The following HS3ST3A1 variants were observed in gnomAD, a reference collection of about 807,000 sequenced individuals.
The protein encoded by HS3ST3A1 is heparan sulfate glucosamine 3-O-sulfotransferase 3A1.
A neutral mutation model predicts 25.7 loss-of-function variants in HS3ST3A1; 19 were observed. The ratio of observed to expected loss-of-function variants is 0.74; its 90% CI spans 0.52 to 1.08. HS3ST3A1 has a LOEUF of 1.08. Ranked by LOEUF, HS3ST3A1 falls within the 50% of genes least tolerant of loss-of-function variation. The pLI is 0.00. For synonymous variants in HS3ST3A1, 226 were observed against 278.6 expected (o/e 0.81, Z 1.88); for missense variants, 459 against 594.3 (o/e 0.77, Z 2.37).
intron 1 of HS3ST3A1, among the ~76,000 whole-genome samples, chr17:13,542,897 C>T (rs1460205209): frequency 6.6e-6 from 1 of 151,994 alleles, no homozygotes; most frequent in Non-Finnish European, 1.5e-5. Flanking sequence ...TCACCAATGG[C>T]CAGTGGTTTA....
At position 13,496,316 on chromosome 17, in the gene HS3ST3A1, T is replaced by C. The variant is rs367984526; in HGVS notation, c.1102A>G (p.Lys368Glu). The part of the protein sequence containing the change: ...SSRPHCLGKT[K>E]GRTHPEIDRE... ...TCGATCTCAGGATGGGTCCTGCCCTTGGTCTTGCCCAGGCAATGGGGCCGG... is the reference window on the plus strand; with the variant it reads ...TCGATCTCAGGATGGGTCCTGCCCTCGGTCTTGCCCAGGCAATGGGGCCGG... Residue 368 changes from lysine (K) to glutamate (E), a missense_variant, in exon 2 of 2, where the codon AAG becomes GAG. Coordinates refer to ENST00000284110, the MANE Select transcript of HS3ST3A1 (RefSeq NM_006042.3). 1.7e-5 allele frequency: 26 copies of C among 1,558,872 alleles called. No individual in the cohort carries two copies. In the South Asian group the frequency reaches 2.7e-4, roughly 16 times the overall value.
chr17:13,564,786 C>T (rs916467845), intron 1 of HS3ST3A1, among the ~76,000 whole-genome samples: 4 of 145,266 alleles, frequency 2.8e-5, no homozygotes, highest in African/African-American at 1.0e-4. Flanking sequence ...TGCAGTGGTG[C>T]GATCGCAGCT....
chr17:13,533,833 T>A lies in HS3ST3A1; in HGVS notation c.600-37015A>T, dbSNP rs556853520. Among the ~76,000 whole-genome samples the A allele has an allele frequency of 3.9e-5, 6 of 152,206 alleles. No homozygotes were observed. In the East Asian group the frequency reaches 9.7e-4, roughly 25 times the overall value. Reference sequence around the variant, plus strand: ...TTCCTGCCTTATTTAATGTAACAAATCAGAAGAGAAAGAACTTAACATAGG... The same window carrying A: ...TTCCTGCCTTATTTAATGTAACAAAACAGAAGAGAAAGAACTTAACATAGG... On this transcript the variant is annotated intron_variant, in intron 1 of 1. Coordinates refer to ENST00000284110, the MANE Select transcript of HS3ST3A1 (RefSeq NM_006042.3).
intron 1 of HS3ST3A1, among the ~76,000 whole-genome samples, chr17:13,540,077 T>C (rs892131870): frequency 6.6e-6 from 1 of 152,250 alleles, no homozygotes; most frequent in Non-Finnish European, 1.5e-5. Flanking sequence ...CAACAGAAAG[T>C]AGTCCCTTGG....
intron 1 of HS3ST3A1, among the ~76,000 whole-genome samples, chr17:13,560,299 A>AAAAAAAAAAAAC (rs1907500665): frequency 7.3e-6 from 1 of 137,242 alleles, no homozygotes; most frequent in South Asian, 2.6e-4. Flanking sequence ...CAAAAAAAAA[A>AAAAAAAAAAAAC]AAAAAAAAAA....
chr17:13,537,067 C>T lies in HS3ST3A1; in HGVS notation c.600-40249G>A, dbSNP rs147648258. 3.5e-3 allele frequency among the ~76,000 whole-genome samples: 539 copies of T among 152,292 alleles called. 4 individuals carry two copies. The highest frequency in any genetic ancestry group is 0.012 in the African/African-American group (516 of 41,546). ...TACGCAGACTTCTGTATGGTGTCAACTTTGTGCTTCAGAGCATCCATCCAT... is the reference window on the plus strand; with the variant it reads ...TACGCAGACTTCTGTATGGTGTCAATTTTGTGCTTCAGAGCATCCATCCAT... On this transcript the variant is annotated intron_variant, in intron 1 of 1. Transcript: ENST00000284110.
intron 1 of HS3ST3A1, among the ~76,000 whole-genome samples, chr17:13,529,704 A>C (rs1906542584): frequency 6.6e-6 from 1 of 152,218 alleles, no homozygotes. Context: ...CTCTCAAGAA[A>C]GATATGGAAA....
At chr17:13,580,593 C>T (rs1032475988) in intron 1 of HS3ST3A1, among the ~76,000 whole-genome samples, 2 of 152,070 alleles carry the variant, frequency 1.3e-5, no homozygotes, top group African/African-American at 4.8e-5. Flanking sequence ...AGGGGTAAGA[C>T]TCAGAACACA....
chr17:13,517,850 G>A (rs991508227), intron 1 of HS3ST3A1, among the ~76,000 whole-genome samples: 6 of 152,140 alleles, frequency 3.9e-5, no homozygotes, highest in African/African-American at 1.2e-4. Context: ...TGCCATGTTG[G>A]CTAGGCTGAT....
intron 1 of HS3ST3A1, among the ~76,000 whole-genome samples, chr17:13,530,753 T>C (rs1906581065): frequency 6.6e-6 from 1 of 152,160 alleles, no homozygotes; most frequent in Admixed American, 6.5e-5. Flanking sequence ...TCACAGTCAA[T>C]ACAAGTATAA....
At chr17:13,560,055 C>T (rs1297228125) in intron 1 of HS3ST3A1, among the ~76,000 whole-genome samples, 5 of 151,384 alleles carry the variant, frequency 3.3e-5, no homozygotes, top group South Asian at 2.1e-4. Flanking sequence ...TTTGGGAGGC[C>T]GAGGCAGGCA....
intron 1 of HS3ST3A1, among the ~76,000 whole-genome samples, chr17:13,545,986 T>TA (rs554247714): frequency 1.5e-4 from 23 of 151,522 alleles, no homozygotes; most frequent in South Asian, 6.3e-4. Context: ...CAAAATAATT[T>TA]AAAAAAAAGT....
chr17:13,525,190 G>A (rs1224980704), intron 1 of HS3ST3A1, among the ~76,000 whole-genome samples: 2 of 152,060 alleles, frequency 1.3e-5, no homozygotes, highest in African/African-American at 4.8e-5. Context: ...AAGAAATAAT[G>A]ATCACAGATT....
intron 1 of HS3ST3A1, among the ~76,000 whole-genome samples, chr17:13,511,159 T>C (rs1905847232): frequency 6.6e-6 from 1 of 152,294 alleles, no homozygotes; most frequent in East Asian, 1.9e-4. Context: ...ATTTGGTAGT[T>C]CCCACAAATT....
chr17:13,520,456 A>G (rs1906194301), intron 1 of HS3ST3A1, among the ~76,000 whole-genome samples: 1 of 152,214 alleles, frequency 6.6e-6, no homozygotes, highest in Non-Finnish European at 1.5e-5. Context: ...GTAACTTGCC[A>G]AATGTTACAT....
At chr17:13,525,057 C>T (rs1405650017) in intron 1 of HS3ST3A1, among the ~76,000 whole-genome samples, 1 of 151,988 alleles carries the variant, frequency 6.6e-6, no homozygotes, top group Non-Finnish European at 1.5e-5. Context: ...TATTTTCTTT[C>T]TTTTCTGTCT....
intron 1 of HS3ST3A1, among the ~76,000 whole-genome samples, chr17:13,548,715 G>A (rs1212602290): frequency 1.3e-5 from 2 of 152,040 alleles, no homozygotes; most frequent in Admixed American, 6.6e-5. Context: ...CTAGCTAAAG[G>A]TTTTCAAACG....
At chr17:13,497,100 G>A (rs1472844267) in intron 1 of HS3ST3A1, among the ~76,000 whole-genome samples, 1 of 152,158 alleles carries the variant, frequency 6.6e-6, no homozygotes, top group South Asian at 2.1e-4. Flanking sequence ...TAAATGCCAC[G>A]TTAAGTTTCT....
intron 1 of HS3ST3A1, among the ~76,000 whole-genome samples, chr17:13,543,135 C>T (rs1480228061): frequency 3.3e-5 from 5 of 152,080 alleles, no homozygotes; most frequent in East Asian, 1.9e-4. Context: ...AGTGTTTCCC[C>T]GAGTTCTGTG....
Sources: gnomAD v4.1 joint callset for allele counts (sites outside exome capture counted in the v4.1 genomes callset) on GRCh38, gnomAD v4.1.1 for gene constraint, MANE v1.5 for transcripts, NCBI Gene and HGNC (gene_info 2026-07-23, HGNC 2026-07-21) for gene names.